The following SEC16B variants were observed in gnomAD, a reference collection of about 807,000 sequenced individuals.
SEC16B encodes the protein SEC16 homolog B, endoplasmic reticulum export factor.
SEC16B carries 115 observed loss-of-function variants against 141.8 expected under a neutral mutation model. The ratio of observed to expected loss-of-function variants is 0.81; its 90% confidence interval spans 0.70 to 0.95. The LOEUF is 0.95. Ranked by LOEUF, SEC16B falls within the 40% of genes least tolerant of loss-of-function variation. SEC16B has a pLI of 0.00. For missense variants in SEC16B, 1,291 were observed against 1,312.3 expected, an observed-to-expected ratio of 0.98 and a Z score of 0.25; for synonymous variants, 493 against 492.5, an observed-to-expected ratio of 1.00 and a Z score of -0.01.
At chr1:177,946,619 G>C (rs888519659) in intron 13 of SEC16B, 88 bp from the exon 14 acceptor site, 135 of 985,208 alleles carry the variant, frequency 1.4e-4, no homozygotes, top group Non-Finnish European at 1.9e-4. Flanking sequence ...AGATGGAAGA[G>C]TGGCCTCGGG....
intron 1 of SEC16B, among the ~76,000 whole-genome samples, chr1:177,980,768 AAAGAAAGAAAGAAAG>A (rs1654374680): frequency 6.9e-6 from 1 of 144,104 alleles, no homozygotes; most frequent in Non-Finnish European, 1.5e-5. Context: ...CGAAAAAAAA[AAAGAAAGAAAGAAAG>A]AAAAGAAAGA....
chr1:177,944,200 C>G (rs1651495542), intron 15 of SEC16B, among the ~76,000 whole-genome samples: 1 of 152,134 alleles, frequency 6.6e-6, no homozygotes, highest in Admixed American at 6.5e-5. Flanking sequence ...CTCCCACTCC[C>G]TCCCACAGGA....
At chr1:177,964,968 A>G in intron 4 of SEC16B, 79 bp downstream of exon 4, 1 of 1,522,028 alleles carries the variant, frequency 6.6e-7, no homozygotes, top group East Asian at 2.3e-5. Context: ...AGATGGCAGC[A>G]TCAGACGCCA....
rs1653301899 is a variant in SEC16B, at chr1:177,964,069, G to A, written c.642+102C>T. 1.3e-6 allele frequency: 1 copy of A among 760,678 alleles called. No homozygotes were observed. Among genetic ancestry groups the A allele is most frequent in the Non-Finnish European group, 2.1e-6 (1 of 476,406 alleles). The allele number at this position is 760,678 out of a possible 1,614,324, so 47.1% of individuals were successfully genotyped here. ...GAGGAATGGGTCCTCCAGACGGCTGGCCACTGGACATCCATCCCCAAGGGC... is the reference window on the plus strand; with the variant it reads ...GAGGAATGGGTCCTCCAGACGGCTGACCACTGGACATCCATCCCCAAGGGC... On this transcript the variant is annotated intron_variant, in intron 5 of 25. Coordinates refer to ENST00000308284, the MANE Select transcript of SEC16B (RefSeq NM_033127.4).
chr1:177,967,862 C>CCAAGAGTGAGGGA lies in SEC16B; in HGVS notation c.107_119dup (p.Trp40CysfsTer52). On this transcript the variant is annotated frameshift_variant, in exon 2 of 26. Transcript: ENST00000308284. LOFTEE classifies it high-confidence loss of function. ...ATTGGTGAAACCTCTCTCCATTGTG[C>CCAAGAGTGAGGGA]CAAGAGTGAGGGACAGGCCGATGAT... is the stretch of plus-strand genomic sequence containing the variant. The CCAAGAGTGAGGGA allele has an allele frequency of 6.2e-7, 1 of 1,613,980 alleles. No homozygotes were observed. Among genetic ancestry groups the CCAAGAGTGAGGGA allele is most frequent in the Non-Finnish European group, 8.5e-7 (1 of 1,179,888 alleles).
At chr1:177,931,330 C>T (rs924075318) in intron 24 of SEC16B, among the ~76,000 whole-genome samples, 13 of 152,010 alleles carry the variant, frequency 8.6e-5, no homozygotes, top group African/African-American at 2.4e-4. Flanking sequence ...AGTGGAAAAC[C>T]GAAAACCATA....
At position 177,933,413 on chromosome 1, in the gene SEC16B, G is replaced by C. The variant is rs919988378; in HGVS notation, c.2724+71C>G. The C allele has an allele frequency of 1.9e-6, 3 of 1,576,622 alleles. No individual in the cohort carries two copies. The African/African-American group carries it at 4.0e-5, about 21-fold the overall frequency. The stretch of plus-strand genomic sequence containing the variant: ...TAACCATCAGAGCCCAGACTTCCAA[G>C]TCTGCACCACCCTCGAGGAAGGGAA... On this transcript the variant is annotated intron_variant, in intron 21 of 25. Transcript: ENST00000308284.
rs1197660886 is a variant in SEC16B at position 177,958,829 on chromosome 1, A to G, written c.1134+11T>C. ...AGCCTGCACCTGCTCTCCCACCAGAACAGAACTTACCCCATTCTGGCGACA... is the reference window on the plus strand; with the variant it reads ...AGCCTGCACCTGCTCTCCCACCAGAGCAGAACTTACCCCATTCTGGCGACA... On this transcript the variant is annotated intron_variant, in intron 9 of 25. Transcript: ENST00000308284. The G allele has an allele frequency of 6.2e-7, 1 of 1,611,686 alleles. No individual in the cohort carries two copies. The highest frequency in any genetic ancestry group is 1.7e-5 in the Admixed American group (1 of 59,844).
intron 10 of SEC16B, among the ~76,000 whole-genome samples, chr1:177,955,562 G>C (rs1450683047): frequency 1.3e-5 from 2 of 151,882 alleles, no homozygotes; most frequent in Non-Finnish European, 2.9e-5. Context: ...ACCCAGGCTG[G>C]TCTCAAAACT....
Position 177,928,888 on chromosome 1 carries a change from G to A in SEC16B, c.*970C>T, listed in dbSNP as rs748325028. On this transcript the variant is annotated 3_prime_UTR_variant, in exon 26 of 26. Coordinates refer to ENST00000308284, the MANE Select transcript of SEC16B (RefSeq NM_033127.4). ...TACAATTACATGTACAAAAAAAAATGTTCTTTGTGAGGAGCAATTTTCAGC... is the reference window on the plus strand; with the variant it reads ...TACAATTACATGTACAAAAAAAAATATTCTTTGTGAGGAGCAATTTTCAGC... 7.2e-5 allele frequency: 11 copies of A among 152,226 alleles called. No individual in the cohort carries two copies. The highest frequency in any genetic ancestry group is 1.2e-4 in the Non-Finnish European group (8 of 68,024). 9.4% of individuals were successfully genotyped at this position (152,226 alleles called of 1,614,324 possible). A position where few individuals can be genotyped will look rare whatever the true frequency, so the allele number is the denominator to read the frequency against.
At chr1:177,937,185 A>G (rs371427798) in intron 19 of SEC16B, 29 bp downstream of exon 19, 2 of 1,575,090 alleles carry the variant, frequency 1.3e-6, no homozygotes, top group Non-Finnish European at 1.7e-6. Flanking sequence ...CCTACATTCA[A>G]TGTGGCCACC....
chr1:177,949,163 C>A (rs1463738269), intron 12 of SEC16B, among the ~76,000 whole-genome samples: 2 of 152,026 alleles, frequency 1.3e-5, no homozygotes, highest in Non-Finnish European at 2.9e-5. Context: ...CTGGTCAATG[C>A]AGTGAGAAGA....
At chr1:177,978,985 G>T (rs1233181552) in intron 1 of SEC16B, among the ~76,000 whole-genome samples, 2 of 151,998 alleles carry the variant, frequency 1.3e-5, no homozygotes, top group Non-Finnish European at 2.9e-5. Flanking sequence ...TTACCCAGTG[G>T]CATCAGTAGA....
chr1:177,970,478 C>G (rs562201498), upstream of SEC16B, among the ~76,000 whole-genome samples: 25 of 152,330 alleles, frequency 1.6e-4, no homozygotes, highest in African/African-American at 6.0e-4. Context: ...TCAATATTAT[C>G]TTTTCCTTCC....
At chr1:177,935,515 C>T (rs889664057) in intron 20 of SEC16B, among the ~76,000 whole-genome samples, 8 of 151,720 alleles carry the variant, frequency 5.3e-5, no homozygotes, top group Non-Finnish European at 1.2e-4. Context: ...TACAGATATA[C>T]ATATATGTGA....
At chr1:177,955,195 T>C (rs1652502807) in intron 10 of SEC16B, among the ~76,000 whole-genome samples, 1 of 151,384 alleles carries the variant, frequency 6.6e-6, no homozygotes, top group African/African-American at 2.5e-5. Context: ...AATGTATTCA[T>C]TTCAATAAGA....
At chr1:177,937,765 C>G (rs1331717733) in intron 18 of SEC16B, among the ~76,000 whole-genome samples, 2 of 152,080 alleles carry the variant, frequency 1.3e-5, no homozygotes, top group Non-Finnish European at 2.9e-5. Context: ...CTAAGCTCCT[C>G]CATTGACTTA....
At chr1:177,943,407 C>G (rs912143139) in intron 15 of SEC16B, among the ~76,000 whole-genome samples, 1 of 152,220 alleles carries the variant, frequency 6.6e-6, no homozygotes, top group Non-Finnish European at 1.5e-5. Context: ...CCTGCACATT[C>G]AGCACATGCA....
At chr1:177,966,056 G>T in intron 2 of SEC16B, 51 bp from the exon 3 acceptor site, 1 of 1,176,182 alleles carries the variant, frequency 8.5e-7, no homozygotes, top group Non-Finnish European at 1.2e-6. Flanking sequence ...GTAGTAAAGA[G>T]AGAAACCAAT....
Sources: gnomAD v4.1 joint callset for allele counts (sites outside exome capture counted in the v4.1 genomes callset) on GRCh38, gnomAD v4.1.1 for gene constraint, MANE v1.5 for transcripts, NCBI Gene and HGNC (gene_info 2026-07-23, HGNC 2026-07-21) for gene names.